CCDC85A: variants seen among roughly 807,000 people sequenced by gnomAD.
CCDC85A encodes the protein coiled-coil domain containing 85A, also known as coiled-coil domain-containing protein 85A.
A neutral mutation model predicts 50.2 loss-of-function variants in CCDC85A; 38 were observed. The ratio of observed to expected loss-of-function variants is 0.76; its 90% CI spans 0.58 to 0.99. The LOEUF is 0.99. Among genes scored for constraint, CCDC85A ranks in the 50% least tolerant of loss-of-function variants. The pLI, the probability that CCDC85A is intolerant of heterozygous loss-of-function variation, is 0.00. For synonymous variants in CCDC85A, 366 were observed against 301.4 expected (o/e 1.21, Z -2.22); for missense variants, 820 against 742.0 (o/e 1.11, Z -1.22).
rs181837769 is a variant in CCDC85A at position 56,304,632 on chromosome 2, G to C, written c.1241-38247G>C. On this transcript the variant is annotated intron_variant, in intron 2 of 5. Transcript: ENST00000407595. ...GAAATAGTAAATGTACAAAAAATAG[G>C]GTTCACCTACTGCTCACTCTCTAAA... Among the ~76,000 whole-genome samples, 335 of 152,202 alleles carry C rather than the reference G, an allele frequency of 2.2e-3. 2 individuals carry two copies. Among genetic ancestry groups the C allele is most frequent in the Non-Finnish European group, 2.3e-3 (156 of 68,012 alleles).
At chr2:56,248,539 C>T (rs1370226111) in intron 2 of CCDC85A, among the ~76,000 whole-genome samples, 5 of 152,206 alleles carry the variant, frequency 3.3e-5, no homozygotes, top group Non-Finnish European at 4.4e-5. Flanking sequence ...AGGGCTCCCA[C>T]TGTGGCAATT....
chr2:56,242,591 C>T (rs2103969169), intron 2 of CCDC85A, among the ~76,000 whole-genome samples: 1 of 152,246 alleles, frequency 6.6e-6, no homozygotes, highest in South Asian at 2.1e-4. Flanking sequence ...GAGCCAAACA[C>T]CTCCCACCAA....
chr2:56,280,387 A>G (rs960705433), intron 2 of CCDC85A, among the ~76,000 whole-genome samples: 2 of 152,194 alleles, frequency 1.3e-5, no homozygotes, highest in Middle Eastern at 3.2e-3. Context: ...AAAATGCATC[A>G]TAGCTTTAGG....
At chr2:56,351,740 T>C (rs2104345933) in intron 3 of CCDC85A, among the ~76,000 whole-genome samples, 1 of 150,932 alleles carries the variant, frequency 6.6e-6, no homozygotes, top group Non-Finnish European at 1.5e-5. Context: ...TCATTGTAGA[T>C]TCTGGATATT....
At chr2:56,299,354 T>A (rs1223221627) in intron 2 of CCDC85A, among the ~76,000 whole-genome samples, 1 of 152,202 alleles carries the variant, frequency 6.6e-6, no homozygotes, top group African/African-American at 2.4e-5. Flanking sequence ...AGTGATCTAC[T>A]GCATGGATGC....
chr2:56,369,347 C>G (rs992988672), intron 3 of CCDC85A, among the ~76,000 whole-genome samples: 1 of 151,992 alleles, frequency 6.6e-6, no homozygotes, highest in African/African-American at 2.4e-5. Context: ...TTAGAATGGT[C>G]GTAGTTTGAA....
intron 2 of CCDC85A, among the ~76,000 whole-genome samples, chr2:56,220,841 A>T (rs1668293764): frequency 6.6e-6 from 1 of 152,022 alleles, no homozygotes; most frequent in Non-Finnish European, 1.5e-5. Context: ...ATTACCAAGA[A>T]TAGCACGCAA....
chr2:56,220,905 G>T (rs1298531780), intron 2 of CCDC85A, among the ~76,000 whole-genome samples: 1 of 151,896 alleles, frequency 6.6e-6, no homozygotes, highest in Non-Finnish European at 1.5e-5. Flanking sequence ...AAGGATGTAG[G>T]GTCTCTTGAT....
At position 56,184,335 on chromosome 2, in the gene CCDC85A, G is replaced by A. The variant is rs1389773734; in HGVS notation, c.-290G>A. ...CCCGAGGATTTCCCGCGGCAGCCCC[G>A]GGCTCCCCAGTGCCCCTCACCATGG... On this transcript the variant is annotated 5_prime_UTR_variant, in exon 1 of 6. Coordinates refer to ENST00000407595, the MANE Select transcript of CCDC85A (RefSeq NM_001080433.2). 5.7e-6 allele frequency: 3 copies of A among 526,672 alleles called. No homozygotes were observed. Among genetic ancestry groups the A allele is most frequent in the African/African-American group, 2.0e-5 (1 of 49,538 alleles). 32.6% of individuals were successfully genotyped at this position (526,672 alleles called of 1,614,324 possible). A position where few individuals can be genotyped will look rare whatever the true frequency, so the allele number is the denominator to read the frequency against.
chr2:56,184,882 C>A lies in CCDC85A; in HGVS notation c.258C>A (p.Gly86=). The A allele has an allele frequency of 6.6e-7, 1 of 1,522,126 alleles. No individual in the cohort carries two copies. The highest frequency in any genetic ancestry group is 8.8e-7 in the Non-Finnish European group (1 of 1,138,308). 94.3% of individuals were successfully genotyped at this position (1,522,126 alleles called of 1,614,324 possible). Residue 86 remains glycine (G), a synonymous_variant, in exon 1 of 6, where the codon GGC becomes GGA. Coordinates refer to ENST00000407595, the MANE Select transcript of CCDC85A (RefSeq NM_001080433.2). ...ACCGCCGCCTGCAGCTGCACCTCGG[C>A]GAGATCCGCGGCCTCAAGGTGAGCG... The part of the protein sequence containing the change: ...EVNRRLQLHL[G]EIRGLKDINQ...
intron 2 of CCDC85A, among the ~76,000 whole-genome samples, chr2:56,334,117 C>G (rs2104300400): frequency 6.6e-6 from 1 of 152,336 alleles, no homozygotes; most frequent in African/African-American, 2.4e-5. Flanking sequence ...CCCCAAATCT[C>G]TCTATCCTAG....
chr2:56,327,831 C>CAAAAAAAAA (rs70955016), intron 2 of CCDC85A, among the ~76,000 whole-genome samples: 1 of 93,264 alleles, frequency 1.1e-5, no homozygotes, highest in Admixed American at 1.3e-4. Context: ...TAGAGTAAGG[C>CAAAAAAAAA]AAAAAAAAAA....
chr2:56,211,054 T>C (rs6749100), intron 2 of CCDC85A, among the ~76,000 whole-genome samples: 79,450 of 151,888 alleles, frequency 0.52, 21,020 homozygotes, highest in African/African-American at 0.6. Flanking sequence ...TACCAACTTA[T>C]GTTATCTGAC....
At chr2:56,260,873 T>A (rs1670188380) in intron 2 of CCDC85A, among the ~76,000 whole-genome samples, 1 of 152,242 alleles carries the variant, frequency 6.6e-6, no homozygotes, top group Non-Finnish European at 1.5e-5. Flanking sequence ...TCTCTATTGC[T>A]TGAGGGAGTT....
At chr2:56,308,962 A>C (rs1672566705) in intron 2 of CCDC85A, among the ~76,000 whole-genome samples, 1 of 152,064 alleles carries the variant, frequency 6.6e-6, no homozygotes. Flanking sequence ...AGAAGCCAGA[A>C]CTCTGTTTTG....
intron 2 of CCDC85A, among the ~76,000 whole-genome samples, chr2:56,225,154 A>G (rs1668490941): frequency 6.6e-6 from 1 of 151,700 alleles, no homozygotes; most frequent in African/African-American, 2.4e-5. Flanking sequence ...TCCCAGCACC[A>G]TTTGTTGAAA....
chr2:56,306,086 G>A (rs1672430866), intron 2 of CCDC85A, among the ~76,000 whole-genome samples: 1 of 152,150 alleles, frequency 6.6e-6, no homozygotes, highest in Admixed American at 6.6e-5. Context: ...GGAAGGCTGT[G>A]CCTGTCTCTC....
chr2:56,221,845 C>A (rs1182368081), intron 2 of CCDC85A, among the ~76,000 whole-genome samples: 2 of 151,920 alleles, frequency 1.3e-5, no homozygotes, highest in African/African-American at 4.8e-5. Context: ...TAATAGAATA[C>A]CACAACAAAA....
intron 2 of CCDC85A, among the ~76,000 whole-genome samples, chr2:56,329,832 A>C (rs193156496): frequency 1.3e-5 from 2 of 152,022 alleles, no homozygotes; most frequent in African/African-American, 4.8e-5. Context: ...CCAACCATAC[A>C]TGGGCTTTTA....
Sources: allele counts gnomAD v4.1 joint callset (sites outside exome capture counted in the v4.1 genomes callset), GRCh38; gene constraint gnomAD v4.1.1; transcripts MANE v1.5; gene names NCBI Gene and HGNC (gene_info 2026-07-23, HGNC 2026-07-21).